Variants in DDIAS observed in about 807,000 individuals in gnomAD.
DDIAS encodes DNA damage induced apoptosis suppressor.
A neutral mutation model predicts 15.7 loss-of-function variants in DDIAS; 14 were observed. The observed-to-expected ratio is 0.89, with a 90% CI of 0.59 to 1.39. The LOEUF (loss-of-function observed/expected upper bound fraction) is 1.39. Ranked by LOEUF, DDIAS falls within the 40% of genes most tolerant of loss-of-function variation. DDIAS has a pLI of 0.00. For missense variants in DDIAS, 1,035 were observed against 1,130.9 expected (o/e 0.92, Z 1.22); for synonymous variants, 355 against 395.9 (o/e 0.90, Z 1.23).
chr11:82,926,572 T>A (rs1181582511), intron 3 of DDIAS, among the ~76,000 whole-genome samples: 1 of 152,210 alleles, frequency 6.6e-6, no homozygotes, highest in African/African-American at 2.4e-5. Context: ...GGGACGGTGA[T>A]GTGAATATGT....
chr11:82,930,874 A>G (rs551602740), intron 5 of DDIAS, among the ~76,000 whole-genome samples: 1 of 152,342 alleles, frequency 6.6e-6, no homozygotes, highest in East Asian at 1.9e-4. Context: ...ACTCCACAAC[A>G]GAAGAGTGAG....
chr11:82,919,100 C>G (rs530599639), intron 3 of DDIAS, among the ~76,000 whole-genome samples: 10 of 152,244 alleles, frequency 6.6e-5, no homozygotes, highest in African/African-American at 2.2e-4. Flanking sequence ...TTTCTCTTGT[C>G]TGATTGCATT....
intron 3 of DDIAS, among the ~76,000 whole-genome samples, chr11:82,915,252 T>C (rs1457116666): frequency 1.3e-5 from 2 of 152,240 alleles, no homozygotes; most frequent in Non-Finnish European, 2.9e-5. Flanking sequence ...GACTATGTTA[T>C]AGTAATTTCT....
At chr11:82,924,987 C>T (rs1188979977) in intron 3 of DDIAS, among the ~76,000 whole-genome samples, 1 of 152,128 alleles carries the variant, frequency 6.6e-6, no homozygotes, top group Non-Finnish European at 1.5e-5. Flanking sequence ...TGCCTTTTCA[C>T]TTTCAGTCTC....
chr11:82,934,173 T>A lies in DDIAS; in HGVS notation c.2835T>A (p.Ile945=), dbSNP rs1861068891. 6.2e-7 allele frequency: 1 copy of A among 1,613,720 alleles called. No homozygotes were observed. The change falls in exon 6 of 6, where the codon ATT becomes ATA. Residue 945 remains isoleucine (I), a synonymous_variant. Coordinates refer to ENST00000533655, the MANE Select transcript of DDIAS (RefSeq NM_145018.4). The part of the protein sequence containing the change: ...HKYNCKSSGW[I]SKCPDIQVLA... ...ATAACTGTAAAAGTTCAGGCTGGAT[T>A]TCCAAATGTCCAGACATTCAAGTCT...
intron 3 of DDIAS, 102 bp downstream of exon 3, chr11:82,914,953 A>G: frequency 1.4e-6 from 1 of 698,672 alleles, no homozygotes; most frequent in Non-Finnish European, 2.3e-6. Flanking sequence ...CAAGGACATT[A>G]GATTCTCTCA....
intron 5 of DDIAS, 48 bp downstream of exon 5, chr11:82,930,322 G>C (rs10431162): frequency 0.22 from 285,434 of 1,299,392 alleles, 33,136 homozygotes; most frequent in African/African-American, 0.35. Context: ...CATTTCCATT[G>C]TAATGAATTA....
Position 82,934,574 on chromosome 11 carries a change from A to G in DDIAS, c.*239A>G, listed in dbSNP as rs376315039. Reference sequence around the variant, plus strand: ...ATCTTATACTGTTTATTGTACTTTAATAATATTGTTAAGATTGTTTTTGAA... The same window carrying G: ...ATCTTATACTGTTTATTGTACTTTAGTAATATTGTTAAGATTGTTTTTGAA... On this transcript the variant is annotated 3_prime_UTR_variant, in exon 6 of 6. Coordinates refer to ENST00000533655, the MANE Select transcript of DDIAS (RefSeq NM_145018.4). 20 of 374,824 alleles carry G rather than the reference A, an allele frequency of 5.3e-5. No homozygotes were observed. The highest frequency in any genetic ancestry group is 2.4e-4 in the East Asian group (6 of 24,834). 23.2% of individuals were successfully genotyped at this position (374,824 alleles called of 1,614,324 possible). A position where few individuals can be genotyped will look rare whatever the true frequency, so the allele number is the denominator to read the frequency against.
At chr11:82,905,420 A>AT (rs1364196195) in intron 1 of DDIAS, among the ~76,000 whole-genome samples, 17 of 152,132 alleles carry the variant, frequency 1.1e-4, no homozygotes, top group South Asian at 2.1e-4. Context: ...GTATTTATTG[A>AT]TTTTTTCTAA....
chr11:82,932,160 A>G lies in DDIAS; in HGVS notation c.822A>G (p.Arg274=), dbSNP rs983667174. The change falls in exon 6 of 6, where the codon AGA becomes AGG. Residue 274 remains arginine (R), a synonymous_variant. Transcript: ENST00000533655. The part of the protein sequence containing the change: ...SKAFGTLQQN[R]KSISIAEATG... ...CCTTTGGTACTCTTCAGCAGAACAG[A>G]AAGTCCATCTCCATTGCAGAGGCCA... is the stretch of plus-strand genomic sequence containing the variant. The G allele has an allele frequency of 6.2e-7, 1 of 1,614,078 alleles. No homozygotes were observed. The highest frequency in any genetic ancestry group is 1.3e-5 in the African/African-American group (1 of 74,928).
chr11:82,933,319 G>T lies in DDIAS; in HGVS notation c.1981G>T (p.Val661Leu). Residue 661 changes from valine (V) to leucine (L), a missense_variant, in exon 6 of 6, where the codon GTA becomes TTA. Coordinates refer to ENST00000533655, the MANE Select transcript of DDIAS (RefSeq NM_145018.4). Reference protein sequence around the residue: ...EMPWGHINNNVTQSYSIGYEG... With the variant: ...EMPWGHINNNLTQSYSIGYEG... ...GCCTTGGGGACATATCAATAACAAC[G>T]TAACACAGAGCTATTCTATTGGTTA... 2 of 1,613,970 alleles carry T rather than the reference G, an allele frequency of 1.2e-6. No individual in the cohort carries two copies. The highest frequency in any genetic ancestry group is 1.7e-6 in the Non-Finnish European group (2 of 1,179,958).
intron 4 of DDIAS, 88 bp from the exon 5 acceptor site, chr11:82,930,069 A>G (rs781597677): frequency 1.6e-5 from 12 of 751,072 alleles, no homozygotes; most frequent in East Asian, 2.7e-5. Context: ...TTCATGCTGC[A>G]TTTTCAAATT....
intron 1 of DDIAS, among the ~76,000 whole-genome samples, chr11:82,904,206 C>T (rs534703290): frequency 6.6e-6 from 1 of 152,260 alleles, no homozygotes; most frequent in Non-Finnish European, 1.5e-5. Context: ...CTCTTCAGCC[C>T]CATCCCCAGA....
chr11:82,930,494 C>T (rs1026359602), intron 5 of DDIAS, among the ~76,000 whole-genome samples: 5 of 152,018 alleles, frequency 3.3e-5, no homozygotes, highest in South Asian at 2.1e-4. Context: ...GCTTTCAGAG[C>T]TTAAAAATAT....
At chr11:82,922,884 C>T (rs1860783952) in intron 3 of DDIAS, among the ~76,000 whole-genome samples, 1 of 152,166 alleles carries the variant, frequency 6.6e-6, no homozygotes, top group Non-Finnish European at 1.5e-5. Flanking sequence ...AGGATGTTCC[C>T]TTGATGTGAT....
At chr11:82,905,559 C>G (rs1860411558) in intron 1 of DDIAS, among the ~76,000 whole-genome samples, 1 of 152,170 alleles carries the variant, frequency 6.6e-6, no homozygotes, top group Admixed American at 6.5e-5. Context: ...ATCCTCTTCT[C>G]TTTCCCCATT....
chr11:82,928,163 T>G (rs867885302), intron 3 of DDIAS, among the ~76,000 whole-genome samples: 8 of 148,006 alleles, frequency 5.4e-5, no homozygotes, highest in Non-Finnish European at 1.0e-4. Flanking sequence ...TATTTTGAGA[T>G]TATTTTTTGT....
intron 1 of DDIAS, chr11:82,909,291 G>A (rs1860482896): frequency 6.6e-6 from 1 of 152,202 alleles, no homozygotes; most frequent in Non-Finnish European, 1.5e-5. Context: ...GTGTAGCAGT[G>A]AGGACAACCA....
chr11:82,913,403 T>G lies in DDIAS; in HGVS notation c.-17+17T>G, dbSNP rs572839911. ...GTATTACAGGTACGTGCCACCACAC[T>G]CAGCTAATTCTCTTATATTTTTGTA... On this transcript the variant is annotated intron_variant, in intron 2 of 5. Transcript: ENST00000533655. The G allele has an allele frequency of 4.2e-4, 83 of 199,654 alleles. No individual in the cohort carries two copies. Among genetic ancestry groups the G allele is most frequent in the African/African-American group, 1.9e-3 (81 of 41,878 alleles). The allele number at this position is 199,654 out of a possible 1,614,324, so 12.4% of individuals were successfully genotyped here.
Sources: allele counts gnomAD v4.1 joint callset (sites outside exome capture counted in the v4.1 genomes callset), GRCh38; gene constraint gnomAD v4.1.1; transcripts MANE v1.5; gene names NCBI Gene and HGNC (gene_info 2026-07-23, HGNC 2026-07-21).